Variants in FANCC observed in about 807,000 individuals in gnomAD.
FANCC encodes FA complementation group C.
A neutral mutation model predicts 71.3 loss-of-function variants in FANCC; 55 were observed. That is an observed-to-expected ratio of 0.77 (90% CI 0.62 to 0.97). The LOEUF (loss-of-function observed/expected upper bound fraction) is 0.97, where lower values mean the gene tolerates loss of function less well. FANCC is among the 50% of genes least tolerant of loss of function. FANCC has a pLI of 0.00. For synonymous variants in FANCC, 275 were observed against 244.9 expected (o/e 1.12, Z -1.15); for missense variants, 678 against 670.9 (o/e 1.01, Z -0.12).
chr9:95,157,066 G>A (rs556028571), intron 6 of FANCC, among the ~76,000 whole-genome samples: 10 of 152,112 alleles, frequency 6.6e-5, no homozygotes, highest in South Asian at 6.2e-4. Context: ...TTCAAATGTC[G>A]AAGCAGCCAA....
chr9:95,170,637 C>CGTGTGTGTGTGTGTGTGTGTGT lies in FANCC; in HGVS notation c.521+420_521+441dup, dbSNP rs3992109. ...ACATCAAATGTTGCCTTGTAAATAT[C>CGTGTGTGTGTGTGTGTGTGTGT]GTGTGTGTGTGTGTGTGTGTGTGTG... On this transcript the variant is annotated intron_variant, in intron 6 of 14. Transcript: ENST00000289081. 3.3e-3 allele frequency among the ~76,000 whole-genome samples: 407 copies of CGTGTGTGTGTGTGTGTGTGTGT among 124,344 alleles called. 12 individuals carry two copies. Among genetic ancestry groups the CGTGTGTGTGTGTGTGTGTGTGT allele is most frequent in the Non-Finnish European group, 5.0e-3 (299 of 59,572 alleles). 81.6% of individuals were successfully genotyped at this position (124,344 alleles called of 152,430 possible). A position where few individuals can be genotyped will look rare whatever the true frequency, so the allele number is the denominator to read the frequency against.
Position 95,110,803 on chromosome 9 carries a change from T to C in FANCC, c.1329+660A>G, listed in dbSNP as rs551471441. On this transcript the variant is annotated intron_variant, in intron 13 of 14. Transcript: ENST00000289081. Reference sequence around the variant, plus strand: ...TCAATGCTTGCAAGGGAGGTGCCAATGCCTTTAATCAAAGCATTGCTTCCT... The same window carrying C: ...TCAATGCTTGCAAGGGAGGTGCCAACGCCTTTAATCAAAGCATTGCTTCCT... 19 of 1,126,634 alleles carry C rather than the reference T, an allele frequency of 1.7e-5. No individual in the cohort carries two copies. In the African/African-American group the frequency reaches 2.8e-4, roughly 17 times the overall value. 69.8% of individuals were successfully genotyped at this position (1,126,634 alleles called of 1,614,324 possible).
chr9:95,186,888 T>A (rs1045759708), intron 4 of FANCC, among the ~76,000 whole-genome samples: 1 of 147,966 alleles, frequency 6.8e-6, no homozygotes, highest in Non-Finnish European at 1.5e-5. Context: ...GCCTCCCGGG[T>A]TCAAGAGATT....
chr9:95,261,636 C>G (rs1832055506), intron 1 of FANCC, among the ~76,000 whole-genome samples: 1 of 152,160 alleles, frequency 6.6e-6, no homozygotes, highest in Admixed American at 6.5e-5. Context: ...CAAAACAAAC[C>G]ATGATTTCAC....
rs104886456 is a variant in FANCC at position 95,172,033 on chromosome 9, T to A, written c.456+4A>T. On this transcript the variant is annotated splice_donor_region_variant and intron_variant, in intron 5 of 14. Coordinates refer to ENST00000289081, the MANE Select transcript of FANCC (RefSeq NM_000136.3). ...TTCAAAAGTGATAAATTTTAAATAC[T>A]CACATTTTTAAGCAAACCAGGATAG... is the stretch of plus-strand genomic sequence containing the variant. 1.7e-4 allele frequency: 267 copies of A among 1,556,608 alleles called. No individual in the cohort carries two copies. The highest frequency in any genetic ancestry group is 5.0e-5 in the Admixed American group (3 of 59,918).
chr9:95,206,815 T>C (rs1828151654), intron 4 of FANCC, among the ~76,000 whole-genome samples: 1 of 152,170 alleles, frequency 6.6e-6, no homozygotes, highest in African/African-American at 2.4e-5. Flanking sequence ...CCCCTAAACT[T>C]TTTTTTGTAA....
chr9:95,197,101 T>C (rs1194786103), intron 4 of FANCC, among the ~76,000 whole-genome samples: 1 of 152,222 alleles, frequency 6.6e-6, no homozygotes, highest in Non-Finnish European at 1.5e-5. Flanking sequence ...CCTCATGACC[T>C]ATCCTGAGTA....
chr9:95,296,119 T>G (rs943890214), intron 1 of FANCC, among the ~76,000 whole-genome samples: 3 of 152,214 alleles, frequency 2.0e-5, no homozygotes, highest in African/African-American at 7.2e-5. Context: ...ATTAAATATG[T>G]ACAACTTTTT....
chr9:95,112,415 A>G (rs1214354652), intron 12 of FANCC, among the ~76,000 whole-genome samples: 1 of 152,142 alleles, frequency 6.6e-6, no homozygotes. Flanking sequence ...GGAATTCCCA[A>G]GCTCTAAGCA....
At chr9:95,253,812 G>A (rs1043366048) in intron 1 of FANCC, among the ~76,000 whole-genome samples, 1 of 149,226 alleles carries the variant, frequency 6.7e-6, no homozygotes, top group Non-Finnish European at 1.5e-5. Flanking sequence ...GGATGGGGGG[G>A]ATGTGTTTGT....
At chr9:95,315,412 A>G (rs1358007959) in intron 1 of FANCC, among the ~76,000 whole-genome samples, 1 of 152,130 alleles carries the variant, frequency 6.6e-6, no homozygotes, top group Non-Finnish European at 1.5e-5. Flanking sequence ...TTTTGTAGAG[A>G]CAGGGCTCTC....
intron 13 of FANCC, 112 bp downstream of exon 13, chr9:95,111,351 G>A (rs770989564): frequency 1.9e-6 from 3 of 1,598,088 alleles, no homozygotes; most frequent in Non-Finnish European, 2.5e-6. Flanking sequence ...GCCATCTGTG[G>A]GCAGAGCTCA....
At chr9:95,152,311 T>C (rs1830221074) in intron 6 of FANCC, among the ~76,000 whole-genome samples, 1 of 152,230 alleles carries the variant, frequency 6.6e-6, no homozygotes, top group African/African-American at 2.4e-5. Flanking sequence ...TGATACTGAG[T>C]GTCATGCTGA....
intron 1 of FANCC, among the ~76,000 whole-genome samples, chr9:95,307,195 C>G (rs981574937): frequency 6.6e-6 from 1 of 151,942 alleles, no homozygotes; most frequent in East Asian, 1.9e-4. Context: ...TTTTAAAATG[C>G]CTATCTTACC....
rs544573948 is a variant in FANCC at position 95,261,417 on chromosome 9, ACT to A, written c.-78-12050_-78-12049del. Among the ~76,000 whole-genome samples the A allele has an allele frequency of 2.5e-3, 386 of 152,352 alleles. 3 individuals are homozygous for A. The highest frequency in any genetic ancestry group is 8.9e-3 in the African/African-American group (369 of 41,578). On this transcript the variant is annotated intron_variant, in intron 1 of 14. Coordinates refer to ENST00000289081, the MANE Select transcript of FANCC (RefSeq NM_000136.3). ...TTTCATTACTAGCTCTTAGAGAAATACTGTTTAGCATTTTTAAGAAATAAAAA... is the reference window on the plus strand; with the variant it reads ...TTTCATTACTAGCTCTTAGAGAAATAGTTTAGCATTTTTAAGAAATAAAAA...
intron 7 of FANCC, among the ~76,000 whole-genome samples, chr9:95,149,070 A>C (rs940328562): frequency 6.6e-6 from 1 of 152,206 alleles, no homozygotes; most frequent in Admixed American, 6.5e-5. Context: ...GCTTTTGTCA[A>C]ACATTTTTTT....
At chr9:95,290,744 C>T (rs963414863) in intron 1 of FANCC, among the ~76,000 whole-genome samples, 1 of 152,200 alleles carries the variant, frequency 6.6e-6, no homozygotes, top group Admixed American at 6.5e-5. Context: ...CAAGGGAACA[C>T]TGCTAAGAAT....
intron 1 of FANCC, among the ~76,000 whole-genome samples, chr9:95,266,797 G>C (rs1399739723): frequency 2.0e-5 from 3 of 152,150 alleles, no homozygotes; most frequent in Non-Finnish European, 4.4e-5. Context: ...TATGCTATGG[G>C]TCACTGAGCT....
chr9:95,117,251 C>T lies in FANCC; in HGVS notation c.1072+64G>A. The T allele has an allele frequency of 3.5e-6, 5 of 1,425,186 alleles. No homozygotes were observed. The Admixed American group carries it at 5.1e-5, about 14-fold the overall frequency. 88.3% of individuals were successfully genotyped at this position (1,425,186 alleles called of 1,614,324 possible). Reference sequence around the variant, plus strand: ...GTAGATAAGGGCCTGATGAGGAGGTCATAATTTGACAATGCTCTTCCCAGG... The same window carrying T: ...GTAGATAAGGGCCTGATGAGGAGGTTATAATTTGACAATGCTCTTCCCAGG... On this transcript the variant is annotated intron_variant, in intron 11 of 14. Transcript: ENST00000289081.
Sources: allele counts gnomAD v4.1 joint callset (sites outside exome capture counted in the v4.1 genomes callset), GRCh38; gene constraint gnomAD v4.1.1; transcripts MANE v1.5; gene names NCBI Gene and HGNC (gene_info 2026-07-23, HGNC 2026-07-21).